The following HNF4G variants were observed in gnomAD, a reference collection of about 807,000 sequenced individuals.
The protein encoded by HNF4G is hepatocyte nuclear factor 4-gamma.
HNF4G carries 21 observed loss-of-function variants against 50.9 expected under a neutral mutation model. The ratio of observed to expected loss-of-function variants is 0.41; its 90% confidence interval spans 0.29 to 0.59. The LOEUF is 0.59. HNF4G is among the 20% of genes least tolerant of loss of function. The pLI is 0.26. For missense variants in HNF4G, 527 were observed against 559.4 expected, an observed-to-expected ratio of 0.94 and a Z score of 0.58; for synonymous variants, 198 against 185.6, an observed-to-expected ratio of 1.07 and a Z score of -0.54.
intron 1 of HNF4G, among the ~76,000 whole-genome samples, chr8:75,419,769 G>C (rs942271295): frequency 6.6e-6 from 1 of 152,268 alleles, no homozygotes; most frequent in African/African-American, 2.4e-5. Flanking sequence ...AAAACAGCGA[G>C]TGATTAGTTG....
intron 1 of HNF4G, among the ~76,000 whole-genome samples, chr8:75,427,543 C>T (rs566371991): frequency 1.1e-4 from 16 of 151,088 alleles, no homozygotes; most frequent in South Asian, 2.1e-4. Context: ...CACCACTGCA[C>T]GCCAACCTGG....
chr8:75,478,587 T>C (rs1812296444), intron 1 of HNF4G, among the ~76,000 whole-genome samples: 1 of 152,214 alleles, frequency 6.6e-6, no homozygotes, highest in African/African-American at 2.4e-5. Context: ...AGAATGCATG[T>C]TGATATCAGA....
Position 75,563,965 on chromosome 8 carries a change from T to C in HNF4G, c.1247-10T>C. ...CCACCATTAGACTCAATTCTCTGAT[T>C]CTTTTTCAGCAACTCCTGAAACCCC... is the stretch of plus-strand genomic sequence containing the variant. On this transcript the variant is annotated splice_polypyrimidine_tract_variant and intron_variant, in intron 9 of 9. Transcript: ENST00000396423. The C allele has an allele frequency of 6.2e-7, 1 of 1,613,050 alleles. No individual in the cohort carries two copies. The highest frequency in any genetic ancestry group is 8.5e-7 in the Non-Finnish European group (1 of 1,179,308).
At chr8:75,552,562 G>A (rs762987717) in intron 4 of HNF4G, among the ~76,000 whole-genome samples, 19 of 152,074 alleles carry the variant, frequency 1.2e-4, no homozygotes, top group African/African-American at 4.3e-4. Flanking sequence ...TTAATGCAGC[G>A]AGACAAATAG....
intron 2 of HNF4G, among the ~76,000 whole-genome samples, chr8:75,515,030 A>G (rs1805853127): frequency 6.6e-6 from 1 of 152,114 alleles, no homozygotes. Context: ...CTCCTGTTTA[A>G]CTTAAATATT....
chr8:75,418,820 C>T (rs909693052), intron 1 of HNF4G, among the ~76,000 whole-genome samples: 8 of 151,348 alleles, frequency 5.3e-5, no homozygotes, highest in African/African-American at 1.7e-4. Context: ...CTCCGCCTCC[C>T]GGGTTCAAGC....
At chr8:75,553,347 T>TTCA in intron 5 of HNF4G, 150 bp downstream of exon 5, 1 of 639,460 alleles carries the variant, frequency 1.6e-6, no homozygotes, top group South Asian at 2.3e-5. Context: ...TCCTTACCCA[T>TTCA]TCACCTTGTT....
chr8:75,540,000 TG>T lies in HNF4G; in HGVS notation c.40del (p.Ala14GlnfsTer35). On this transcript the variant is annotated frameshift_variant, in exon 1 of 10. Coordinates refer to ENST00000396423, the MANE Select transcript of HNF4G (RefSeq NM_004133.5). LOFTEE classifies it high-confidence loss of function. ...TCAGAACCAATACTGGACATGGACA[TG>T]GCAAATTACAGTGAAGTTTTGGACC... ...RVSEPILDMDMANYSEVLDPT... is the reference protein window; with the variant it reads ...RVSEPILDMDXANYSEVLDPT... 1 of 1,603,068 alleles carries T rather than the reference TG, an allele frequency of 6.2e-7. No individual in the cohort carries two copies. The highest frequency in any genetic ancestry group is 8.5e-7 in the Non-Finnish European group (1 of 1,170,032).
intron 1 of HNF4G, among the ~76,000 whole-genome samples, chr8:75,489,543 A>G (rs191163842): frequency 1.3e-5 from 2 of 152,296 alleles, no homozygotes; most frequent in African/African-American, 2.4e-5. Context: ...GAATTTGCCT[A>G]CTGCTTTATA....
intron 8 of HNF4G, 62 bp downstream of exon 8, chr8:75,559,099 T>A: frequency 1.8e-6 from 2 of 1,107,762 alleles, no homozygotes; most frequent in Non-Finnish European, 2.7e-6. Flanking sequence ...AAGTTTGACC[T>A]ACTGATTTTT....
chr8:75,501,833 T>C (rs1475190502), intron 2 of HNF4G, among the ~76,000 whole-genome samples: 1 of 118,700 alleles, frequency 8.4e-6, no homozygotes, highest in Non-Finnish European at 1.7e-5. Context: ...TTATCTTTTT[T>C]TCATGATGAG....
intron 1 of HNF4G, among the ~76,000 whole-genome samples, chr8:75,541,375 A>G (rs984279926): frequency 6.6e-6 from 1 of 152,184 alleles, no homozygotes; most frequent in Non-Finnish European, 1.5e-5. Flanking sequence ...ATTTCTATAT[A>G]GTCTCTCAGA....
chr8:75,417,398 GAT>G (rs1012400445), intron 1 of HNF4G, among the ~76,000 whole-genome samples: 13 of 152,206 alleles, frequency 8.5e-5, no homozygotes. Context: ...TACGGTATAA[GAT>G]ATTGTTATCT....
At chr8:75,540,233 T>C in intron 1 of HNF4G, among the ~76,000 whole-genome samples, 153 bp downstream of exon 1, 1 of 152,152 alleles carries the variant, frequency 6.6e-6, no homozygotes, top group Admixed American at 6.6e-5. Flanking sequence ...TTGCACTTCA[T>C]TACAAAATTT....
chr8:75,536,907 C>G (rs188073697), upstream of HNF4G, among the ~76,000 whole-genome samples: 352 of 151,544 alleles, frequency 2.3e-3, 2 homozygotes, highest in African/African-American at 8.3e-3. Context: ...TGTAGCTTAA[C>G]TAGTTTTAGA....
intron 1 of HNF4G, among the ~76,000 whole-genome samples, chr8:75,410,717 G>C (rs1585817281): frequency 6.6e-6 from 1 of 152,162 alleles, no homozygotes; most frequent in South Asian, 2.1e-4. Flanking sequence ...TTTAAATGAG[G>C]TGTTATAGCT....
At chr8:75,495,329 C>T (rs1428064191) in intron 2 of HNF4G, 1 of 151,992 alleles carries the variant, frequency 6.6e-6, no homozygotes, top group African/African-American at 2.4e-5. Flanking sequence ...ATCACATTTT[C>T]TATAGATGTT....
At chr8:75,502,247 A>G (rs184343042) in intron 2 of HNF4G, among the ~76,000 whole-genome samples, 11 of 152,338 alleles carry the variant, frequency 7.2e-5, no homozygotes, top group Middle Eastern at 3.4e-3. Context: ...TTTTAAACAT[A>G]AAATAAAGTA....
upstream of HNF4G, chr8:75,539,752 A>T: frequency 2.3e-6 from 1 of 437,362 alleles, no homozygotes; most frequent in Non-Finnish European, 4.1e-6. Context: ...TATCACAAGG[A>T]ATTGCTTTCA....
Sources: allele counts gnomAD v4.1 joint callset (sites outside exome capture counted in the v4.1 genomes callset), GRCh38; gene constraint gnomAD v4.1.1; transcripts MANE v1.5; gene names NCBI Gene and HGNC (gene_info 2026-07-23, HGNC 2026-07-21).